TENM1: variants seen among roughly 807,000 people sequenced by gnomAD.
TENM1 encodes teneurin transmembrane protein 1.
Under a neutral mutation model 174.8 loss-of-function variants are expected in TENM1, and 35 were observed. The ratio of observed to expected loss-of-function variants is 0.20; its 90% confidence interval spans 0.15 to 0.27. TENM1 has a LOEUF of 0.27. Among genes scored for constraint, TENM1 ranks in the 10% least tolerant of loss-of-function variants. The pLI is 1.00. For synonymous variants in TENM1, 781 were observed against 798.7 expected (o/e 0.98, Z 0.37); for missense variants, 1,633 against 2,130.1 (o/e 0.77, Z 4.59).
At chrX:124,941,968 A>T (rs2058334390) in intron 1 of TENM1, among the ~76,000 whole-genome samples, 1 of 111,196 alleles carries the variant, frequency 9.0e-6, no homozygotes, top group Non-Finnish European at 1.9e-5. Context: ...AAACCAACAG[A>T]TCTCTTGAGA....
chrX:124,877,040 A>G (rs919159677), intron 3 of TENM1, among the ~76,000 whole-genome samples: 2 of 112,473 alleles, frequency 1.8e-5, no homozygotes, highest in African/African-American at 6.5e-5. Flanking sequence ...TCCAGTTCAA[A>G]CGAAAATTTA....
the TENM1 span, among the ~76,000 whole-genome samples, chrX:125,092,502 T>C: frequency 9.0e-6 from 1 of 111,659 alleles, no homozygotes; most frequent in African/African-American, 3.3e-5. Flanking sequence ...AAAGGAGTCA[T>C]ATGAAAAACA....
chrX:124,732,658 A>G (rs1313622211), intron 4 of TENM1, among the ~76,000 whole-genome samples: 3 of 112,112 alleles, frequency 2.7e-5, no homozygotes, highest in Non-Finnish European at 5.6e-5. Flanking sequence ...GCAGTTAGCA[A>G]TGGGACATGC....
chrX:124,385,890 G>T, exon 29 of TENM1: 1 of 1,210,420 alleles, frequency 8.3e-7, no homozygotes, highest in Non-Finnish European at 1.1e-6. Context: ...CTATAGTCTT[G>T]GATAAAAGAA....
At chrX:124,808,204 C>T (rs916204265) in intron 3 of TENM1, among the ~76,000 whole-genome samples, 2 of 111,093 alleles carry the variant, frequency 1.8e-5, no homozygotes, top group Non-Finnish European at 3.8e-5. Flanking sequence ...ATAAAATAGA[C>T]GTTAAGGAAA....
intron 14 of TENM1, among the ~76,000 whole-genome samples, chrX:124,559,260 T>C (rs1248540105): frequency 1.8e-5 from 2 of 111,891 alleles, no homozygotes; most frequent in African/African-American, 6.5e-5. Context: ...CTTTTTAGAA[T>C]GAAGCAGACT....
chrX:124,606,069 A>C (rs1297695315), intron 11 of TENM1, among the ~76,000 whole-genome samples: 1 of 111,351 alleles, frequency 9.0e-6, no homozygotes, highest in East Asian at 2.8e-4. Flanking sequence ...ATATGCTGTT[A>C]ACCTAAACCT....
chrX:124,824,746 C>T (rs1304835102), intron 3 of TENM1, among the ~76,000 whole-genome samples: 3 of 111,860 alleles, frequency 2.7e-5, no homozygotes, highest in Admixed American at 1.9e-4. Flanking sequence ...CAAAGTTGTT[C>T]TTACCATGTC....
the TENM1 span, among the ~76,000 whole-genome samples, chrX:125,111,124 G>A: frequency 7.1e-5 from 8 of 112,230 alleles, no homozygotes; most frequent in African/African-American, 2.6e-4. Context: ...TAACAGATTT[G>A]CATTAAATTA....
At chrX:124,561,398 G>C (rs1217715169) in intron 14 of TENM1, among the ~76,000 whole-genome samples, 1 of 110,051 alleles carries the variant, frequency 9.1e-6, no homozygotes, top group Admixed American at 9.7e-5. Flanking sequence ...CTACAAGTGG[G>C]GAAAATAGTA....
intron 3 of TENM1, among the ~76,000 whole-genome samples, chrX:124,748,379 A>T (rs143331863): frequency 9.1e-6 from 1 of 110,107 alleles, no homozygotes; most frequent in Non-Finnish European, 1.9e-5. Context: ...ATATATATAT[A>T]TATTTAAATT....
intron 1 of TENM1, 111 bp downstream of exon 4, chrX:124,963,426 G>A (rs771522360): frequency 3.1e-5 from 20 of 650,308 alleles, no homozygotes; most frequent in African/African-American, 8.8e-5. Context: ...TAAGCAGTGC[G>A]AATTATTAAC....
At chrX:124,414,868 C>G (rs1357944302) in intron 25 of TENM1, among the ~76,000 whole-genome samples, 1 of 111,919 alleles carries the variant, frequency 8.9e-6, no homozygotes, top group African/African-American at 3.3e-5. Context: ...CCAAATTTCA[C>G]TTCTGTTTCT....
chrX:124,677,827 T>C (rs1272240149), intron 5 of TENM1, among the ~76,000 whole-genome samples: 1 of 111,292 alleles, frequency 9.0e-6, no homozygotes, highest in African/African-American at 3.3e-5. Flanking sequence ...TGGAGAACTC[T>C]GAATTAAACT....
At chrX:124,709,124 G>GAGTGAT (rs2052982977) in intron 4 of TENM1, among the ~76,000 whole-genome samples, 1 of 111,880 alleles carries the variant, frequency 8.9e-6, no homozygotes. Context: ...GATAACATTT[G>GAGTGAT]AGTGATTATT....
intron 22 of TENM1, among the ~76,000 whole-genome samples, chrX:124,473,564 A>C (rs761774653): frequency 9.0e-6 from 1 of 111,631 alleles, no homozygotes; most frequent in Non-Finnish European, 1.9e-5. Context: ...GTGGAGATGA[A>C]GTATATCAGT....
chrX:124,505,494 C>G (rs2047427080), intron 18 of TENM1, among the ~76,000 whole-genome samples: 1 of 111,463 alleles, frequency 9.0e-6, no homozygotes, highest in African/African-American at 3.3e-5. Flanking sequence ...AGCCCCTCTA[C>G]TTGCTAAAAC....
intron 4 of TENM1, among the ~76,000 whole-genome samples, chrX:124,730,699 A>C (rs1462347658): frequency 8.9e-6 from 1 of 112,136 alleles, no homozygotes; most frequent in Non-Finnish European, 1.9e-5. Flanking sequence ...CAAGTTCCCA[A>C]ATTTTTGTGT....
At chrX:124,684,710 C>A (rs1181805641) in intron 5 of TENM1, among the ~76,000 whole-genome samples, 1 of 111,900 alleles carries the variant, frequency 8.9e-6, no homozygotes, top group African/African-American at 3.2e-5. Flanking sequence ...CGGATCTGAC[C>A]TTTAGTAAAG....
Sources: allele counts gnomAD v4.1 joint callset (sites outside exome capture counted in the v4.1 genomes callset), GRCh38; gene constraint gnomAD v4.1.1; transcripts MANE v1.5; gene names NCBI Gene and HGNC (gene_info 2026-07-23, HGNC 2026-07-21).